RERE: variants seen among roughly 807,000 people sequenced by gnomAD.
RERE encodes arginine-glutamic acid dipeptide repeats.
RERE carries 40 observed loss-of-function variants against 146.1 expected under a neutral mutation model. The observed-to-expected ratio is 0.27, with a 90% CI of 0.21 to 0.36. The LOEUF (loss-of-function observed/expected upper bound fraction) is 0.36, where lower values mean the gene tolerates loss of function less well. Among genes scored for constraint, RERE ranks in the 10% least tolerant of loss-of-function variants. The pLI is 1.00. For missense variants in RERE, 1,933 were observed against 2,138.7 expected (o/e 0.90, Z 1.90); for synonymous variants, 1,003 against 866.0 (o/e 1.16, Z -2.78).
intron 1 of RERE, among the ~76,000 whole-genome samples, chr1:8,686,630 A>G (rs1337639616): frequency 6.6e-6 from 1 of 152,114 alleles, no homozygotes; most frequent in East Asian, 1.9e-4. Flanking sequence ...GGTGCCTGTA[A>G]TCTCAGCTAC....
rs151259852 is a variant in RERE, at chr1:8,556,335, C to T, written c.725+140G>A. The T allele has an allele frequency of 1.3e-4, 75 of 562,230 alleles. No individual in the cohort carries two copies. The East Asian group carries it at 1.9e-3, about 15-fold the overall frequency. 34.8% of individuals were successfully genotyped at this position (562,230 alleles called of 1,614,324 possible). On this transcript the variant is annotated intron_variant, in intron 6 of 22. Transcript: ENST00000400908. The stretch of plus-strand genomic sequence containing the variant: ...CCTCTGCAATCTCAACAATCCAGAG[C>T]GGACACTGGCATGTTCACTGAGGCC...
chr1:8,395,816 G>T (rs1047830695), intron 12 of RERE, among the ~76,000 whole-genome samples: 5 of 152,148 alleles, frequency 3.3e-5, no homozygotes, highest in African/African-American at 1.2e-4. Context: ...GGCACAGGAG[G>T]AAGTATGAGA....
At chr1:8,534,962 G>A (rs905531269) in intron 7 of RERE, among the ~76,000 whole-genome samples, 7 of 151,812 alleles carry the variant, frequency 4.6e-5, no homozygotes, top group Non-Finnish European at 1.0e-4. Context: ...GGGACAGCTG[G>A]GCACAGTGGC....
intron 10 of RERE, among the ~76,000 whole-genome samples, chr1:8,486,755 T>TAAAAA (rs33956517): frequency 4.9e-5 from 6 of 122,316 alleles, no homozygotes; most frequent in East Asian, 2.3e-4. Context: ...GAGTCCATCT[T>TAAAAA]AAAAAAAAAA....
intron 12 of RERE, among the ~76,000 whole-genome samples, chr1:8,400,715 T>G (rs1385503078): frequency 6.6e-6 from 1 of 150,978 alleles, no homozygotes; most frequent in African/African-American, 2.4e-5. Context: ...TTAAATATGA[T>G]GCATAGGGGC....
intron 1 of RERE, among the ~76,000 whole-genome samples, chr1:8,800,724 GGGA>G (rs1641572821): frequency 6.6e-6 from 1 of 152,176 alleles, no homozygotes; most frequent in Admixed American, 6.5e-5. Flanking sequence ...CCAGCACTTT[GGGA>G]GGCCGAGGCG....
At chr1:8,567,908 G>C (rs1298988798) in intron 4 of RERE, among the ~76,000 whole-genome samples, 2 of 152,178 alleles carry the variant, frequency 1.3e-5, no homozygotes, top group Non-Finnish European at 2.9e-5. Flanking sequence ...CACTTCTGTA[G>C]CTCCCCAAAA....
At chr1:8,793,157 CAA>C (rs1015889392) in intron 1 of RERE, among the ~76,000 whole-genome samples, 2 of 49,314 alleles carry the variant, frequency 4.1e-5, no homozygotes, top group Admixed American at 2.1e-4. Context: ...ACTCCATCTC[CAA>C]AAAAAAAAAA....
At chr1:8,395,848 T>C (rs1643037293) in intron 12 of RERE, among the ~76,000 whole-genome samples, 1 of 152,104 alleles carries the variant, frequency 6.6e-6, no homozygotes. Flanking sequence ...TGAGTTGTGA[T>C]GTTTGCAGAG....
At chr1:8,623,788 GGAAA>G (rs1646943117) in intron 3 of RERE, among the ~76,000 whole-genome samples, 1 of 152,062 alleles carries the variant, frequency 6.6e-6, no homozygotes, top group Non-Finnish European at 1.5e-5. Context: ...CACTAAAACT[GGAAA>G]GAAAGTATAA....
intron 6 of RERE, 120 bp from the exon 7 acceptor site, chr1:8,541,438 A>G (rs1645799743): frequency 5.0e-6 from 3 of 602,736 alleles, no homozygotes. Context: ...AATCGGCTAC[A>G]AACACCACAC....
chr1:8,501,758 G>C (rs1397344505), intron 8 of RERE, among the ~76,000 whole-genome samples: 1 of 129,238 alleles, frequency 7.7e-6, no homozygotes, highest in Non-Finnish European at 1.7e-5. Context: ...CGGGAGGGAG[G>C]TGGGGGGATC....
At chr1:8,763,508 G>A (rs1016302328) in intron 1 of RERE, among the ~76,000 whole-genome samples, 4 of 152,124 alleles carry the variant, frequency 2.6e-5, no homozygotes, top group Non-Finnish European at 4.4e-5. Context: ...GGAGGCGCAC[G>A]CCTGTAATCC....
At chr1:8,564,874 A>G (rs2927377) in intron 4 of RERE, among the ~76,000 whole-genome samples, 6,600 of 72,222 alleles carry the variant, frequency 0.091, 229 homozygotes, top group African/African-American at 0.18. Flanking sequence ...GTGTGTGTAT[A>G]TATATATATA....
chr1:8,698,437 C>T (rs1343810630), intron 1 of RERE, among the ~76,000 whole-genome samples: 1 of 152,200 alleles, frequency 6.6e-6, no homozygotes, highest in Non-Finnish European at 1.5e-5. Flanking sequence ...AACACAGCAG[C>T]ACACACCATC....
intron 12 of RERE, among the ~76,000 whole-genome samples, chr1:8,398,014 A>T (rs908292394): frequency 6.6e-6 from 1 of 152,260 alleles, no homozygotes; most frequent in Admixed American, 6.5e-5. Flanking sequence ...ATAGAATTTC[A>T]TAAGACAATG....
At chr1:8,780,761 T>C (rs1465777374) in intron 1 of RERE, among the ~76,000 whole-genome samples, 1 of 152,210 alleles carries the variant, frequency 6.6e-6, no homozygotes, top group South Asian at 2.1e-4. Flanking sequence ...TCTTACTATA[T>C]CTATTTTATG....
rs1187425730 is a variant in RERE at position 8,501,027 on chromosome 1, C to CGGGGGGG, written c.880-3499_880-3498insCCCCCCC. Among the ~76,000 whole-genome samples, 7 of 38,284 alleles carry CGGGGGGG rather than the reference C, an allele frequency of 1.8e-4. 2 individuals carry two copies. Among genetic ancestry groups the CGGGGGGG allele is most frequent in the Admixed American group, 2.7e-4 (1 of 3,690 alleles). The allele number at this position is 38,284 out of a possible 152,430, so 25.1% of individuals were successfully genotyped here. On this transcript the variant is annotated intron_variant, in intron 8 of 22. Coordinates refer to ENST00000400908, the MANE Select transcript of RERE (RefSeq NM_001042681.2). ...GTCTCCGCCCGGCAGCCACCCCGTC[C>CGGGGGGG]GGGAGGGGGGGGGGGGGTCAGCCCC...
intron 1 of RERE, among the ~76,000 whole-genome samples, chr1:8,686,868 C>G (rs902189499): frequency 6.6e-6 from 1 of 152,118 alleles, no homozygotes; most frequent in Non-Finnish European, 1.5e-5. Flanking sequence ...CACTGAGACT[C>G]GAAAGCGGGA....
Sources: gnomAD v4.1 joint callset for allele counts (sites outside exome capture counted in the v4.1 genomes callset) on GRCh38, gnomAD v4.1.1 for gene constraint, MANE v1.5 for transcripts, NCBI Gene and HGNC (gene_info 2026-07-23, HGNC 2026-07-21) for gene names.